The following PTPRK variants were observed in gnomAD, a reference collection of about 807,000 sequenced individuals.
The protein encoded by PTPRK is receptor-type tyrosine-protein phosphatase kappa.
In PTPRK, 75 loss-of-function variants were observed where a neutral mutation model predicts 178.0. The observed-to-expected ratio is 0.42, with a 90% CI of 0.35 to 0.51. The LOEUF is 0.51. PTPRK is among the 20% of genes least tolerant of loss of function. The pLI, the probability that PTPRK is intolerant of heterozygous loss-of-function variation, is 0.02. For synonymous variants in PTPRK, 637 were observed against 620.6 expected (o/e 1.03, Z -0.39); for missense variants, 1,441 against 1,797.8 (o/e 0.80, Z 3.59).
intron 3 of PTPRK, among the ~76,000 whole-genome samples, chr6:128,291,449 A>G (rs1012808525): frequency 6.6e-6 from 1 of 152,124 alleles, no homozygotes; most frequent in African/African-American, 2.4e-5. Context: ...GCAATTTGTT[A>G]TGGGATAAAT....
At chr6:128,079,921 C>T (rs1784513570) in intron 10 of PTPRK, among the ~76,000 whole-genome samples, 1 of 151,734 alleles carries the variant, frequency 6.6e-6, no homozygotes, top group South Asian at 2.1e-4. Context: ...GATTATAGCC[C>T]CTCTACCCTA....
rs569212551 is a variant in PTPRK at position 128,520,327 on chromosome 6, G to A, written c.32C>T (p.Ala11Val). ...AGAGAGGAGCAAGAGCGCCACAAAAGCAGGCAGCGCCGCCGCCGCAGTCGT... is the reference window on the plus strand; with the variant it reads ...AGAGAGGAGCAAGAGCGCCACAAAAACAGGCAGCGCCGCCGCCGCAGTCGT... MDTTAAAALP[A>V]FVALLLLSPW... Residue 11 changes from alanine (A) to valine (V), a missense_variant, in exon 1 of 30, where the codon GCT becomes GTT. Coordinates refer to ENST00000368226, the MANE Select transcript of PTPRK (RefSeq NM_002844.4). 8.1e-6 allele frequency: 13 copies of A among 1,610,040 alleles called. No individual in the cohort carries two copies. The East Asian group carries it at 2.9e-4, about 36-fold the overall frequency.
intron 1 of PTPRK, among the ~76,000 whole-genome samples, chr6:128,498,800 G>C (rs947857980): frequency 3.3e-5 from 5 of 152,192 alleles, no homozygotes; most frequent in Non-Finnish European, 1.5e-5. Flanking sequence ...GGCAGAGAGA[G>C]AGAAGACAGG....
rs1044114791 is a variant in PTPRK at position 127,995,534 on chromosome 6, A to G, written c.2772T>C (p.Asp924=). ...KNRYGNIIAY[D]HSRVILQPVE... The stretch of plus-strand genomic sequence containing the variant: ...CGGGTTGCAAAATCACTCTGGAGTG[A>G]TCATCTAAAATTTTAAAATAATAAA... Residue 924 remains aspartate (D), a synonymous_variant, in exon 18 of 30, where the codon GAT becomes GAC. Coordinates refer to ENST00000368226, the MANE Select transcript of PTPRK (RefSeq NM_002844.4). 6 of 1,565,520 alleles carry G rather than the reference A, an allele frequency of 3.8e-6. No individual in the cohort carries two copies. Among genetic ancestry groups the G allele is most frequent in the African/African-American group, 2.8e-5 (2 of 72,380 alleles).
intron 19 of PTPRK, among the ~76,000 whole-genome samples, 189 bp from the exon 20 acceptor site, chr6:127,991,580 A>AT (rs1776610834): frequency 8.1e-6 from 1 of 122,738 alleles, no homozygotes; most frequent in Non-Finnish European, 1.8e-5. Flanking sequence ...GGCATATACA[A>AT]GTTTTTTTTT....
chr6:128,003,207 A>G, intron 15 of PTPRK: 1 of 1,604,702 alleles, frequency 6.2e-7, no homozygotes, highest in Non-Finnish European at 8.5e-7. Context: ...CTAACACAGC[A>G]GTCGGTACAA....
At chr6:127,989,838 T>C (rs924800689) in intron 21 of PTPRK, among the ~76,000 whole-genome samples, 1 of 151,818 alleles carries the variant, frequency 6.6e-6, no homozygotes, top group African/African-American at 2.4e-5. Context: ...CTTCTACTGG[T>C]ATTAACATTA....
At chr6:128,197,109 C>A (rs907978487) in intron 6 of PTPRK, among the ~76,000 whole-genome samples, 1 of 151,602 alleles carries the variant, frequency 6.6e-6, no homozygotes. Flanking sequence ...GAGAGATCTC[C>A]ATATTGTAAC....
chr6:127,991,668 A>C (rs1438846966), intron 19 of PTPRK, among the ~76,000 whole-genome samples: 1 of 149,650 alleles, frequency 6.7e-6, no homozygotes, highest in Non-Finnish European at 1.5e-5. Context: ...TATATTTGTC[A>C]CTAAGTCACT....
At chr6:128,076,491 T>A (rs1419667350) in intron 11 of PTPRK, among the ~76,000 whole-genome samples, 1 of 151,994 alleles carries the variant, frequency 6.6e-6, no homozygotes, top group Non-Finnish European at 1.5e-5. Flanking sequence ...GATTAGCATA[T>A]CAGTTAGAAA....
chr6:128,423,414 G>A (rs1423021040), intron 1 of PTPRK, among the ~76,000 whole-genome samples: 1 of 152,088 alleles, frequency 6.6e-6, no homozygotes, highest in Non-Finnish European at 1.5e-5. Flanking sequence ...TAGGTTCTAT[G>A]TGTGAGTGTG....
At chr6:128,295,313 G>A (rs1338531867) in intron 3 of PTPRK, among the ~76,000 whole-genome samples, 1 of 152,080 alleles carries the variant, frequency 6.6e-6, no homozygotes, top group African/African-American at 2.4e-5. Flanking sequence ...TGGCCTGCTG[G>A]TGGTAATTTG....
At chr6:128,390,290 G>A (rs964933130) in intron 2 of PTPRK, among the ~76,000 whole-genome samples, 5 of 152,026 alleles carry the variant, frequency 3.3e-5, no homozygotes, top group Non-Finnish European at 5.9e-5. Context: ...AAACAGACAC[G>A]CAGCAAGTGT....
intron 2 of PTPRK, among the ~76,000 whole-genome samples, chr6:128,348,460 C>G (rs983296276): frequency 2.0e-5 from 3 of 151,734 alleles, no homozygotes; most frequent in South Asian, 4.2e-4. Flanking sequence ...TAACAAAAAC[C>G]CTTCCCCAAA....
intron 13 of PTPRK, among the ~76,000 whole-genome samples, chr6:128,052,905 G>A (rs1034470701): frequency 6.6e-6 from 1 of 152,078 alleles, no homozygotes; most frequent in Non-Finnish European, 1.5e-5. Flanking sequence ...GCCCCCTTGA[G>A]GTTGGCAATT....
intron 14 of PTPRK, 86 bp from the exon 15 acceptor site, chr6:128,005,330 C>A (rs917650478): frequency 1.7e-5 from 23 of 1,329,380 alleles, no homozygotes; most frequent in Non-Finnish European, 2.3e-5. Flanking sequence ...CAGGTGAGCC[C>A]GAGGATAATG....
chr6:128,135,078 T>TCACACACACACACACA lies in PTPRK; in HGVS notation c.1163-45102_1163-45087dup, dbSNP rs34254716. ...AACCAATTTAAAATTAATCATTCAA[T>TCACACACACACACACA]CACACACACACACACACACACACAC... On this transcript the variant is annotated intron_variant, in intron 7 of 29. Coordinates refer to ENST00000368226, the MANE Select transcript of PTPRK (RefSeq NM_002844.4). Among the ~76,000 whole-genome samples the TCACACACACACACACA allele has an allele frequency of 3.8e-3, 516 of 136,344 alleles. 2 individuals carry two copies. The highest frequency in any genetic ancestry group is 0.012 in the East Asian group (54 of 4,576). 89.4% of individuals were successfully genotyped at this position (136,344 alleles called of 152,430 possible). A position where few individuals can be genotyped will look rare whatever the true frequency, so the allele number is the denominator to read the frequency against.
intron 13 of PTPRK, among the ~76,000 whole-genome samples, chr6:128,056,591 A>G (rs1354446048): frequency 6.6e-6 from 1 of 151,592 alleles, no homozygotes; most frequent in Non-Finnish European, 1.5e-5. Context: ...CACCCAGCTA[A>G]TTTTTTGTAT....
intron 13 of PTPRK, among the ~76,000 whole-genome samples, chr6:128,016,997 T>C (rs1489923714): frequency 1.3e-5 from 2 of 152,028 alleles, no homozygotes; most frequent in Non-Finnish European, 2.9e-5. Context: ...TAACATATTG[T>C]ATATATTATG....
Sources: allele counts gnomAD v4.1 joint callset (sites outside exome capture counted in the v4.1 genomes callset), GRCh38; gene constraint gnomAD v4.1.1; transcripts MANE v1.5; gene names NCBI Gene and HGNC (gene_info 2026-07-23, HGNC 2026-07-21).